Variants in C13orf46 observed in about 807,000 individuals in gnomAD.
The protein encoded by C13orf46 is uncharacterized protein C13orf46.
chr13:113,935,490 G>A, the C13orf46 span, among the ~76,000 whole-genome samples: 1 of 152,260 alleles, frequency 6.6e-6, no homozygotes, highest in East Asian at 1.9e-4. Flanking sequence ...GCTGAGCCAA[G>A]TCCTGATTCT....
the C13orf46 span, among the ~76,000 whole-genome samples, chr13:113,945,594 A>AGAGAGAGAGAAAGAAAG: frequency 7.8e-6 from 1 of 128,046 alleles, no homozygotes; most frequent in African/African-American, 3.0e-5. Context: ...AGAGAGAGAG[A>AGAGAGAGAGAAAGAAAG]AAGAAAGAAA....
At chr13:113,933,295 G>A in the C13orf46 span, among the ~76,000 whole-genome samples, 10 of 152,196 alleles carry the variant, frequency 6.6e-5, no homozygotes, top group Non-Finnish European at 1.3e-4. Context: ...CTGTTGAATT[G>A]CCTCAGCACA....
intron 2 of C13orf46, among the ~76,000 whole-genome samples, chr13:113,968,972 T>C (rs2052676959): frequency 6.6e-6 from 1 of 152,216 alleles, no homozygotes; most frequent in East Asian, 1.9e-4. Flanking sequence ...CCATCTTGCC[T>C]GGAAAACTTA....
At chr13:113,941,917 A>G in the C13orf46 span, among the ~76,000 whole-genome samples, 17 of 152,286 alleles carry the variant, frequency 1.1e-4, no homozygotes, top group East Asian at 2.7e-3. Flanking sequence ...TTACCTCCAA[A>G]TGGGCTGTCC....
At chr13:113,968,279 TAA>T (rs2052669454) in intron 4 of C13orf46, among the ~76,000 whole-genome samples, 186 bp downstream of exon 4, 1 of 152,076 alleles carries the variant, frequency 6.6e-6, no homozygotes, top group African/African-American at 2.4e-5. Context: ...TGGGATCGGG[TAA>T]AGAGTCTCAG....
chr13:113,957,430 G>A (rs1199471280), intron 6 of C13orf46, among the ~76,000 whole-genome samples: 1 of 143,122 alleles, frequency 7.0e-6, no homozygotes, highest in African/African-American at 2.6e-5. Context: ...AAGTGCACTG[G>A]GGGGTCTCCC....
At chr13:113,931,001 G>A in the C13orf46 span, among the ~76,000 whole-genome samples, 1 of 152,346 alleles carries the variant, frequency 6.6e-6, no homozygotes, top group Admixed American at 6.5e-5. Context: ...CGGCTGGGGT[G>A]ACTGAGGGTC....
intron 5 of C13orf46, 145 bp downstream of exon 5, chr13:113,967,196 G>A (rs1371043504): frequency 2.0e-5 from 3 of 152,268 alleles, no homozygotes; most frequent in African/African-American, 7.2e-5. Context: ...TGGAGCTGCT[G>A]GCCCCAGGTC....
chr13:113,943,899 TCTC>T, the C13orf46 span, among the ~76,000 whole-genome samples: 1 of 152,114 alleles, frequency 6.6e-6, no homozygotes, highest in Non-Finnish European at 1.5e-5. Context: ...GGCTGGCACA[TCTC>T]CACGAGCGCG....
chr13:113,966,492 G>T (rs1278067283), intron 5 of C13orf46, among the ~76,000 whole-genome samples: 5 of 151,770 alleles, frequency 3.3e-5, no homozygotes, highest in Non-Finnish European at 5.9e-5. Context: ...TGATGATGGT[G>T]ATGGTGATTA....
At chr13:113,968,161 T>C (rs1449095906) in intron 4 of C13orf46, among the ~76,000 whole-genome samples, 1 of 152,148 alleles carries the variant, frequency 6.6e-6, no homozygotes, top group Non-Finnish European at 1.5e-5. Flanking sequence ...ACATCAAGCC[T>C]GGGGCTCTGG....
chr13:113,965,544 A>G (rs2052626764), intron 5 of C13orf46, among the ~76,000 whole-genome samples: 1 of 152,100 alleles, frequency 6.6e-6, no homozygotes, highest in African/African-American at 2.4e-5. Context: ...TGGTGGTGAT[A>G]ATGTTGATGG....
At chr13:113,962,211 G>A (rs1228884874) in intron 6 of C13orf46, among the ~76,000 whole-genome samples, 3 of 152,194 alleles carry the variant, frequency 2.0e-5, no homozygotes, top group Non-Finnish European at 2.9e-5. Flanking sequence ...AGACCATCCT[G>A]GCTAACACGG....
chr13:113,954,861 C>T lies in C13orf46; in HGVS notation c.*1912G>A, dbSNP rs1460155795. On this transcript the variant is annotated 3_prime_UTR_variant, in exon 7 of 7. Transcript: ENST00000636427. The stretch of plus-strand genomic sequence containing the variant: ...AGCATCCGGTGGAGATGAGGAGCAT[C>T]TCGTGGGGAGGAGGAGCATCTGGCA... 1 of 182,978 alleles carries T rather than the reference C, an allele frequency of 5.5e-6. No homozygotes were observed. Among genetic ancestry groups the T allele is most frequent in the African/African-American group, 2.5e-5 (1 of 40,334 alleles). 11.3% of individuals were successfully genotyped at this position (182,978 alleles called of 1,614,324 possible).
At chr13:113,942,849 CCT>C in the C13orf46 span, among the ~76,000 whole-genome samples, 1 of 152,212 alleles carries the variant, frequency 6.6e-6, no homozygotes, top group African/African-American at 2.4e-5. Context: ...CCTTGGACTC[CCT>C]GATGCCTCTG....
chr13:113,957,670 TG>T (rs1409278978), intron 6 of C13orf46, among the ~76,000 whole-genome samples: 1 of 125,236 alleles, frequency 8.0e-6, no homozygotes, highest in South Asian at 2.9e-4. Flanking sequence ...TCAAGCACAC[TG>T]GGGGTCTCCT....
chr13:113,971,326 C>T (rs183348827), intron 1 of C13orf46, among the ~76,000 whole-genome samples: 205 of 152,350 alleles, frequency 1.3e-3, no homozygotes, highest in African/African-American at 4.2e-3. Context: ...GGTCACTCAG[C>T]TCAGCCCACA....
At chr13:113,957,170 C>T (rs1217326779) in intron 6 of C13orf46, among the ~76,000 whole-genome samples, 2 of 151,002 alleles carry the variant, frequency 1.3e-5, no homozygotes, top group African/African-American at 4.9e-5. Flanking sequence ...GCATGCAACC[C>T]CTTTCATCAA....
At chr13:113,959,554 G>A (rs1304031361) in intron 6 of C13orf46, among the ~76,000 whole-genome samples, 1 of 152,206 alleles carries the variant, frequency 6.6e-6, no homozygotes, top group African/African-American at 2.4e-5. Flanking sequence ...GACACATGGA[G>A]CCCTTCTAGA....
Sources: gnomAD v4.1 joint callset for allele counts (sites outside exome capture counted in the v4.1 genomes callset) on GRCh38, gnomAD v4.1.1 for gene constraint, MANE v1.5 for transcripts, NCBI Gene and HGNC (gene_info 2026-07-23, HGNC 2026-07-21) for gene names.